NRXN3: variants seen among roughly 807,000 people sequenced by gnomAD.
NRXN3 encodes neurexin 3, also known as neurexin III.
Under a neutral mutation model 137.6 loss-of-function variants are expected in NRXN3, and 32 were observed. That is an observed-to-expected ratio of 0.23 (90% CI 0.18 to 0.31). The LOEUF (loss-of-function observed/expected upper bound fraction) is 0.31. Among genes scored for constraint, NRXN3 ranks in the 10% least tolerant of loss-of-function variants. The pLI, the probability that NRXN3 is intolerant of heterozygous loss-of-function variation, is 1.00. For missense variants in NRXN3, 1,574 were observed against 2,062.5 expected, an observed-to-expected ratio of 0.76 and a Z score of 4.59; for synonymous variants, 798 against 784.5, an observed-to-expected ratio of 1.02 and a Z score of -0.29.
intron 19 of NRXN3, among the ~76,000 whole-genome samples, chr14:79,772,968 G>A (rs1397753062): frequency 6.6e-6 from 1 of 152,006 alleles, no homozygotes; most frequent in Non-Finnish European, 1.5e-5. Context: ...GTGGGCAAAG[G>A]ATATGAACAG....
intron 4 of NRXN3, among the ~76,000 whole-genome samples, chr14:78,486,094 A>T (rs569902551): frequency 6.6e-6 from 1 of 152,358 alleles, no homozygotes; most frequent in East Asian, 1.9e-4. Context: ...GGATGAAACC[A>T]TGTGGACAAT....
intron 15 of NRXN3, among the ~76,000 whole-genome samples, chr14:79,173,728 A>G (rs1424776838): frequency 3.3e-5 from 5 of 152,092 alleles, no homozygotes; most frequent in Non-Finnish European, 7.4e-5. Context: ...AAGGTAGGCA[A>G]TCCAGACCTC....
rs73341410 is a variant in NRXN3, at chr14:79,495,992, A to G, written c.3444+28590A>G. Among the ~76,000 whole-genome samples the G allele has an allele frequency of 6.6e-5, 10 of 152,006 alleles. No homozygotes were observed. In the South Asian group the frequency reaches 2.1e-3, roughly 32 times the overall value. On this transcript the variant is annotated intron_variant, in intron 16 of 20. Transcript: ENST00000335750. ...CAAAAAAACAAAAAATCCAGTCAACAGAAACTTAAACACTTGAGGGCAAAC... is the reference window on the plus strand; with the variant it reads ...CAAAAAAACAAAAAATCCAGTCAACGGAAACTTAAACACTTGAGGGCAAAC...
chr14:79,085,604 T>G (rs574811547), intron 15 of NRXN3, among the ~76,000 whole-genome samples: 1 of 152,230 alleles, frequency 6.6e-6, no homozygotes, highest in African/African-American at 2.4e-5. Flanking sequence ...TAGCATTAAC[T>G]TAGTAGTTTA....
intron 8 of NRXN3, 68 bp downstream of exon 8, chr14:78,715,207 G>T: frequency 6.4e-7 from 1 of 1,553,594 alleles, no homozygotes; most frequent in Admixed American, 1.7e-5. Flanking sequence ...TGGATCCCTG[G>T]GCAGCCCAAG....
chr14:79,733,212 G>A (rs570345194), intron 19 of NRXN3, among the ~76,000 whole-genome samples: 3 of 152,288 alleles, frequency 2.0e-5, no homozygotes, highest in South Asian at 4.1e-4. Context: ...TTAAAAAAAT[G>A]TGTTTGTTTT....
Position 79,012,211 on chromosome 14 carries a change from A to G in NRXN3, c.3262+24070A>G, listed in dbSNP as rs150477118. On this transcript the variant is annotated intron_variant, in intron 15 of 20. Transcript: ENST00000335750. ...ATTAAATCCCTTAAGGAGCCTACAG[A>G]CAAAGATTAAGAGATGGCTGAAAGA... Among the ~76,000 whole-genome samples, 39 of 152,330 alleles carry G rather than the reference A, an allele frequency of 2.6e-4. No individual in the cohort carries two copies. The East Asian group carries it at 5.8e-3, about 23-fold the overall frequency.
At chr14:78,946,162 C>G (rs73325326) in intron 10 of NRXN3, among the ~76,000 whole-genome samples, 3,033 of 152,246 alleles carry the variant, frequency 0.02, 97 homozygotes, top group African/African-American at 0.07. Flanking sequence ...TGTCTTATGA[C>G]TATTGTCTGG....
chr14:79,567,165 T>C (rs1321086838), intron 16 of NRXN3, among the ~76,000 whole-genome samples: 1 of 152,120 alleles, frequency 6.6e-6, no homozygotes, highest in Non-Finnish European at 1.5e-5. Flanking sequence ...TTTATACTAA[T>C]GATTTGACAG....
chr14:78,193,111 C>T (rs537808348), intron 1 of NRXN3, among the ~76,000 whole-genome samples: 83 of 152,278 alleles, frequency 5.5e-4, no homozygotes, highest in South Asian at 1.5e-3. Context: ...AGCTTTAAGG[C>T]CATGAGAACT....
chr14:78,183,160 A>G (rs12897190), intron 1 of NRXN3, among the ~76,000 whole-genome samples: 24,625 of 151,966 alleles, frequency 0.16, 2,606 homozygotes, highest in Middle Eastern at 0.24. Flanking sequence ...AGGAAGCTCC[A>G]TTTTTCTTCC....
chr14:79,849,600 G>A (rs556473385), intron 20 of NRXN3, among the ~76,000 whole-genome samples: 1 of 152,056 alleles, frequency 6.6e-6, no homozygotes, highest in Admixed American at 6.6e-5. Flanking sequence ...AAAAGACAAG[G>A]GACAACATGT....
chr14:78,822,243 C>T (rs1453689180), intron 10 of NRXN3, among the ~76,000 whole-genome samples: 3 of 152,244 alleles, frequency 2.0e-5, no homozygotes, highest in Non-Finnish European at 4.4e-5. Context: ...CAGGTGGCTA[C>T]TAATTATTAT....
At chr14:79,422,785 C>T (rs191845868) in intron 15 of NRXN3, among the ~76,000 whole-genome samples, 34 of 151,020 alleles carry the variant, frequency 2.3e-4, no homozygotes, top group Non-Finnish European at 3.1e-4. Context: ...CTGCAACCTC[C>T]GCCTCCCAGG....
chr14:79,088,633 T>G (rs1210408232), intron 15 of NRXN3, among the ~76,000 whole-genome samples: 1 of 152,150 alleles, frequency 6.6e-6, no homozygotes, highest in Non-Finnish European at 1.5e-5. Flanking sequence ...AAGGGAAGGA[T>G]TAGGTTAGAA....
chr14:79,366,731 T>C (rs1191028894), intron 15 of NRXN3, among the ~76,000 whole-genome samples: 1 of 152,220 alleles, frequency 6.6e-6, no homozygotes, highest in East Asian at 1.9e-4. Context: ...AGTGTTTTTA[T>C]GTCATTATTC....
chr14:78,704,206 G>A (rs777122748), intron 6 of NRXN3, among the ~76,000 whole-genome samples: 2 of 152,162 alleles, frequency 1.3e-5, no homozygotes, highest in Non-Finnish European at 2.9e-5. Context: ...CATCATGTAG[G>A]GTTAGAATAC....
intron 19 of NRXN3, among the ~76,000 whole-genome samples, chr14:79,802,065 A>G (rs1439215369): frequency 6.6e-6 from 1 of 151,828 alleles, no homozygotes; most frequent in Non-Finnish European, 1.5e-5. Context: ...AAAAAATTAC[A>G]TTTCTTCTTT....
intron 15 of NRXN3, among the ~76,000 whole-genome samples, chr14:79,138,788 AT>A (rs1163287930): frequency 5.3e-5 from 8 of 152,242 alleles, no homozygotes; most frequent in African/African-American, 1.9e-4. Flanking sequence ...ATGAGCCAAA[AT>A]TTGTGTTGCA....
Sources: allele counts gnomAD v4.1 joint callset (sites outside exome capture counted in the v4.1 genomes callset), GRCh38; gene constraint gnomAD v4.1.1; transcripts MANE v1.5; gene names NCBI Gene and HGNC (gene_info 2026-07-23, HGNC 2026-07-21).